Variants in CERS6 observed in about 807,000 individuals in gnomAD.
CERS6 encodes LAG1 homolog, ceramide synthase 6.
In CERS6, 26 loss-of-function variants were observed where a neutral mutation model predicts 56.8. That is an observed-to-expected ratio of 0.46 (90% CI 0.34 to 0.63). The LOEUF (loss-of-function observed/expected upper bound fraction) is 0.63. Ranked by LOEUF, CERS6 falls within the 30% of genes least tolerant of loss-of-function variation. The pLI is 0.01. For missense variants in CERS6, 415 were observed against 467.5 expected (o/e 0.89, Z 1.04); for synonymous variants, 164 against 173.3 (o/e 0.95, Z 0.42).
Position 168,578,621 on chromosome 2 carries a change from G to C in CERS6, c.407+17299G>C, listed in dbSNP as rs145674389. On this transcript the variant is annotated intron_variant, in intron 3 of 9. Coordinates refer to ENST00000305747, the MANE Select transcript of CERS6 (RefSeq NM_203463.3). ...TCTAAAGCTGTATAAAAATAAGAGA[G>C]AAAGGAGAGAAAAGAAAAAAAGCAG... Among the ~76,000 whole-genome samples the C allele has an allele frequency of 1.2e-3, 181 of 152,208 alleles. 3 individuals carry two copies. The highest frequency in any genetic ancestry group is 9.8e-3 in the Admixed American group (150 of 15,290).
intron 3 of CERS6, among the ~76,000 whole-genome samples, chr2:168,582,637 A>G (rs1295080989): frequency 6.6e-6 from 1 of 152,184 alleles, no homozygotes; most frequent in Non-Finnish European, 1.5e-5. Context: ...GATTTTGAAA[A>G]CTAGAATTTT....
chr2:168,657,807 C>G (rs184475810), intron 4 of CERS6, among the ~76,000 whole-genome samples: 139 of 152,342 alleles, frequency 9.1e-4, no homozygotes, highest in African/African-American at 2.5e-3. Flanking sequence ...CCCCGGTTCC[C>G]GCTCGTGCCT....
At chr2:168,580,961 A>G (rs1254618569) in intron 3 of CERS6, among the ~76,000 whole-genome samples, 1 of 151,134 alleles carries the variant, frequency 6.6e-6, no homozygotes, top group African/African-American at 2.4e-5. Flanking sequence ...AATTAAAAAT[A>G]TATGTATTCC....
chr2:168,677,490 T>A (rs1686094114), intron 4 of CERS6, among the ~76,000 whole-genome samples: 1 of 151,766 alleles, frequency 6.6e-6, no homozygotes, highest in South Asian at 2.1e-4. Flanking sequence ...CATGTGCATG[T>A]GTCTTCATTT....
At chr2:168,518,543 C>T (rs1199429863) in intron 1 of CERS6, among the ~76,000 whole-genome samples, 14 of 152,164 alleles carry the variant, frequency 9.2e-5, no homozygotes, top group African/African-American at 3.4e-4. Flanking sequence ...TCCTGCCTCT[C>T]CTTCCTCCCA....
At chr2:168,756,154 C>T (rs1684411660) in intron 8 of CERS6, among the ~76,000 whole-genome samples, 1 of 152,196 alleles carries the variant, frequency 6.6e-6, no homozygotes, top group Non-Finnish European at 1.5e-5. Context: ...TTCTGCCATC[C>T]TGCCTCTATG....
chr2:168,724,394 T>G (rs995019070), intron 8 of CERS6, among the ~76,000 whole-genome samples: 4 of 152,028 alleles, frequency 2.6e-5, no homozygotes, highest in Admixed American at 2.6e-4. Flanking sequence ...GCTTCCACAG[T>G]GTGGAAGGCA....
chr2:168,716,916 A>C (rs890268026), intron 7 of CERS6, among the ~76,000 whole-genome samples: 2 of 152,100 alleles, frequency 1.3e-5, no homozygotes, highest in Non-Finnish European at 2.9e-5. Context: ...TTCAAATCTG[A>C]CTCAGTTAAT....
intron 8 of CERS6, among the ~76,000 whole-genome samples, chr2:168,732,407 C>T (rs1424018998): frequency 6.6e-6 from 1 of 152,158 alleles, no homozygotes; most frequent in African/African-American, 2.4e-5. Flanking sequence ...ATCTTAATTT[C>T]GAATTCACCT....
chr2:168,711,400 A>G (rs1285772064), intron 6 of CERS6, among the ~76,000 whole-genome samples: 2 of 152,228 alleles, frequency 1.3e-5, no homozygotes, highest in African/African-American at 4.8e-5. Flanking sequence ...GCCTAGAATT[A>G]TAGAACTGAC....
Position 168,694,974 on chromosome 2 carries a change from C to T in CERS6, c.532C>T (p.Leu178Phe), listed in dbSNP as rs148548835. 77 of 1,613,206 alleles carry T rather than the reference C, an allele frequency of 4.8e-5. No homozygotes were observed. Among genetic ancestry groups the T allele is most frequent in the Non-Finnish European group, 6.3e-5 (74 of 1,179,494 alleles). The change falls in exon 6 of 10, where the codon CTT becomes TTT. Residue 178 changes from leucine (L) to phenylalanine (F), a missense_variant. Leu to Phe is a conservative substitution (Grantham distance 22). Transcript: ENST00000305747. ...NYPYQPLTTD[L>F]HYYYILELSF... ...TCACCTTCAGCCACTCACAACTGAC[C>T]TTCACTACTATTACATCCTGGAGCT...
chr2:168,687,868 T>C (rs1215280084), intron 4 of CERS6, among the ~76,000 whole-genome samples: 7 of 152,106 alleles, frequency 4.6e-5, no homozygotes, highest in Non-Finnish European at 1.0e-4. Flanking sequence ...CGTGCCTAGC[T>C]AGTTTTCATA....
chr2:168,716,113 C>T (rs1328390082), intron 7 of CERS6, among the ~76,000 whole-genome samples: 2 of 152,072 alleles, frequency 1.3e-5, no homozygotes, highest in Admixed American at 1.3e-4. Context: ...GAGGTATATA[C>T]AGCACTTTGT....
intron 1 of CERS6, among the ~76,000 whole-genome samples, chr2:168,514,007 C>G (rs1366571319): frequency 1.3e-5 from 2 of 152,066 alleles, no homozygotes; most frequent in Admixed American, 1.3e-4. Flanking sequence ...CTTGACACTA[C>G]CTTGTTATGC....
At chr2:168,722,526 T>G (rs1432782568) in intron 8 of CERS6, among the ~76,000 whole-genome samples, 1 of 152,220 alleles carries the variant, frequency 6.6e-6, no homozygotes, top group Non-Finnish European at 1.5e-5. Context: ...CCACACCATT[T>G]CTCGATTGGC....
chr2:168,691,490 A>G (rs1171604887), intron 5 of CERS6, among the ~76,000 whole-genome samples: 1 of 152,194 alleles, frequency 6.6e-6, no homozygotes, highest in East Asian at 1.9e-4. Flanking sequence ...CACTGAGTTC[A>G]GTTCACTTTG....
chr2:168,653,262 A>AC (rs1303807639), intron 4 of CERS6, among the ~76,000 whole-genome samples: 1 of 152,158 alleles, frequency 6.6e-6, no homozygotes, highest in Non-Finnish European at 1.5e-5. Flanking sequence ...AGAGATTTAA[A>AC]CTCAGGCTGC....
At chr2:168,567,322 A>G (rs1446553687) in intron 3 of CERS6, among the ~76,000 whole-genome samples, 2 of 152,232 alleles carry the variant, frequency 1.3e-5, no homozygotes, top group Non-Finnish European at 2.9e-5. Context: ...GGTTGTATTC[A>G]GGTCAGTTTT....
At chr2:168,573,588 C>G (rs79393082) in intron 3 of CERS6, among the ~76,000 whole-genome samples, 5,867 of 152,174 alleles carry the variant, frequency 0.039, 277 homozygotes, top group African/African-American at 0.1. Flanking sequence ...GGCACATATA[C>G]CATTAAGCCT....
Sources: allele counts gnomAD v4.1 joint callset (sites outside exome capture counted in the v4.1 genomes callset), GRCh38; gene constraint gnomAD v4.1.1; transcripts MANE v1.5; gene names NCBI Gene and HGNC (gene_info 2026-07-23, HGNC 2026-07-21).